CDC42BPG: variants seen among roughly 807,000 people sequenced by gnomAD.
The protein encoded by CDC42BPG is serine/threonine-protein kinase MRCK gamma.
Under a neutral mutation model 192.2 loss-of-function variants are expected in CDC42BPG, and 157 were observed. That is an observed-to-expected ratio of 0.82 (90% CI 0.72 to 0.93). The LOEUF is 0.93. Ranked by LOEUF, CDC42BPG falls within the 40% of genes least tolerant of loss-of-function variation. The pLI is 0.00. For missense variants in CDC42BPG, 1,992 were observed against 2,122.1 expected, an observed-to-expected ratio of 0.94 and a Z score of 1.20; for synonymous variants, 981 against 918.5, an observed-to-expected ratio of 1.07 and a Z score of -1.23.
rs1942478066 is a variant in CDC42BPG at position 64,827,355 on chromosome 11, C to T, written c.4194G>A (p.Arg1398=). Residue 1398 remains arginine, a synonymous_variant, in exon 33 of 37, where the codon CGG becomes CGA. Coordinates refer to ENST00000342711, the MANE Select transcript of CDC42BPG (RefSeq NM_017525.3). ...FDIPDLTDNS[R]RQLFRTKSKR... The stretch of plus-strand genomic sequence containing the variant: ...TGCTCTTGGTGCGGAACAGCTGGCG[C>T]CGGCTGTTGTCGGTGAGGTCCGGGA... 17 of 1,614,130 alleles carry T rather than the reference C, an allele frequency of 1.1e-5. No individual in the cohort carries two copies. The highest frequency in any genetic ancestry group is 1.4e-5 in the Non-Finnish European group (17 of 1,179,960).
chr11:64,835,217 G>A, intron 16 of CDC42BPG, 64 bp from the exon 17 acceptor site: 2 of 1,602,164 alleles, frequency 1.2e-6, no homozygotes, highest in Non-Finnish European at 1.7e-6. Flanking sequence ...CCGTCTCCCT[G>A]TAGGTACCCC....
intron 36 of CDC42BPG, among the ~76,000 whole-genome samples, chr11:64,825,398 G>A (rs1292785131): frequency 6.6e-6 from 1 of 152,168 alleles, no homozygotes; most frequent in East Asian, 1.9e-4. Flanking sequence ...GGAGCGGGGT[G>A]GCAAAGGTGG....
Position 64,841,922 on chromosome 11 carries a change from G to A in CDC42BPG, c.161-18C>T, listed in dbSNP as rs771544472. 17 of 1,567,098 alleles carry A rather than the reference G, an allele frequency of 1.1e-5. No homozygotes were observed. Among genetic ancestry groups the A allele is most frequent in the African/African-American group, 5.4e-5 (4 of 73,504 alleles). ...GGGGCTGGCTGAGGGGACACAGGGC[G>A]GGACTCAGAGTGCAGGGAGGGAGGG... On this transcript the variant is annotated intron_variant, in intron 1 of 36. Transcript: ENST00000342711.
chr11:64,829,804 G>A lies in CDC42BPG; in HGVS notation c.3634C>T (p.Pro1212Ser). The change falls in exon 30 of 37, where the codon CCT becomes TCT. Residue 1212 changes from proline (P) to serine (S), a missense_variant. By Grantham distance (74) the Pro-to-Ser change is moderately conservative. Transcript: ENST00000342711. Reference sequence around the variant, plus strand: ...CGGATGCGGCGCTGCCAGGGCCCAGGGCCCGGGCCCAGCTGGTAGCAGAGC... The same window carrying A: ...CGGATGCGGCGCTGCCAGGGCCCAGAGCCCGGGCCCAGCTGGTAGCAGAGC... ...QVLCYQLGPG[P>S]GPWQRRIREL... is the part of the protein sequence containing the mutation. 1 of 1,603,390 alleles carries A rather than the reference G, an allele frequency of 6.2e-7. No homozygotes were observed. The highest frequency in any genetic ancestry group is 8.5e-7 in the Non-Finnish European group (1 of 1,176,626).
chr11:64,836,714 G>GGGGGA, intron 11 of CDC42BPG, 25 bp downstream of exon 11: 2 of 866,538 alleles, frequency 2.3e-6, no homozygotes, highest in Non-Finnish European at 3.3e-6. Flanking sequence ...CCTGGGGGGG[G>GGGGGA]GGGGGGGGTG....
At chr11:64,833,420 G>A in intron 23 of CDC42BPG, 84 bp from the exon 24 acceptor site, 4 of 987,414 alleles carry the variant, frequency 4.1e-6, no homozygotes, top group Non-Finnish European at 4.4e-6. Context: ...AAGGGGCTGA[G>A]CCAGGCAACA....
rs781154765 is a variant in CDC42BPG at position 64,834,553 on chromosome 11, G to A, written c.2200C>T (p.Leu734=). 4 of 1,579,944 alleles carry A rather than the reference G, an allele frequency of 2.5e-6. No homozygotes were observed. The highest frequency in any genetic ancestry group is 3.4e-6 in the Non-Finnish European group (4 of 1,159,502). ...CTGGCCGAGGCCTCCATCTTCTGCAGTCGCCGCGCCTTCCACTGGTGGTCC... is the reference window on the plus strand; with the variant it reads ...CTGGCCGAGGCCTCCATCTTCTGCAATCGCCGCGCCTTCCACTGGTGGTCC... The part of the protein sequence containing the change: ...PLDHQWKARR[L]QKMEASARLE... Residue 734 remains leucine, a synonymous_variant, in exon 19 of 37, where the codon CTG becomes TTG. Transcript: ENST00000342711.
At position 64,839,132 on chromosome 11, in the gene CDC42BPG, C is replaced by T. The variant is rs961236089; in HGVS notation, c.777G>A (p.Trp259Ter). The T allele has an allele frequency of 1.9e-6, 3 of 1,613,536 alleles. No individual in the cohort carries two copies. The highest frequency in any genetic ancestry group is 2.5e-6 in the Non-Finnish European group (3 of 1,180,036). Residue 259 changes from tryptophan (W) to a stop codon, truncating the protein, a stop_gained, in exon 7 of 37, where the codon TGG becomes TGA. Transcript: ENST00000342711. LOFTEE classifies it high-confidence loss of function. ...GKGHYGPQCD[W>*]WSLGVCAYEL... ...CATAGGCGCAGACTCCAAGCGACCACCAGTCACACTGTGGGCCGTAGTGGC... is the reference window on the plus strand; with the variant it reads ...CATAGGCGCAGACTCCAAGCGACCATCAGTCACACTGTGGGCCGTAGTGGC...
At chr11:64,837,610 C>T (rs11607234) in intron 9 of CDC42BPG, among the ~76,000 whole-genome samples, 77,837 of 152,102 alleles carry the variant, frequency 0.51, 21,684 homozygotes, top group Non-Finnish European at 0.65. Context: ...TACAGGCGCC[C>T]GCCACCACGC....
chr11:64,834,100 A>G, intron 20 of CDC42BPG, 123 bp from the exon 21 acceptor site: 1 of 1,458,804 alleles, frequency 6.9e-7, no homozygotes, highest in Non-Finnish European at 9.6e-7. Flanking sequence ...AGGGCTGGGC[A>G]CAGCAGGCAC....
intron 29 of CDC42BPG, 47 bp from the exon 30 acceptor site, chr11:64,830,117 G>C (rs1483949365): frequency 6.2e-7 from 1 of 1,611,544 alleles, no homozygotes; most frequent in Non-Finnish European, 8.5e-7. Flanking sequence ...TGGTTGAAGA[G>C]TGACCCATCC....
chr11:64,841,488 G>T (rs1221523006), intron 3 of CDC42BPG, among the ~76,000 whole-genome samples, 162 bp downstream of exon 3: 3 of 152,034 alleles, frequency 2.0e-5, no homozygotes, highest in South Asian at 2.1e-4. Flanking sequence ...TAAATAAAGG[G>T]TTTATTGTGA....
At chr11:64,827,814 T>C in intron 30 of CDC42BPG, 31 bp from the exon 31 acceptor site, 1 of 1,560,350 alleles carries the variant, frequency 6.4e-7, no homozygotes, top group Non-Finnish European at 8.7e-7. Context: ...TCTGAGCTGT[T>C]TCCCCCTCTG....
chr11:64,829,339 G>T, intron 30 of CDC42BPG, 132 bp downstream of exon 30: 2 of 1,161,866 alleles, frequency 1.7e-6, no homozygotes, highest in Non-Finnish European at 2.4e-6. Context: ...GGGACAGGGT[G>T]TTGTTGGGCT....
chr11:64,827,900 A>T, intron 30 of CDC42BPG, 117 bp from the exon 31 acceptor site: 1 of 824,888 alleles, frequency 1.2e-6, no homozygotes, highest in Non-Finnish European at 1.8e-6. Context: ...TCCTCTGAAG[A>T]CTCCCTGTCG....
rs1943030331 is a variant in CDC42BPG, at chr11:64,836,731, A to AGGGGGGGGGGGGG, written c.1384+7_1384+8insCCCCCCCCCCCCC. 1.3e-6 allele frequency: 1 copy of AGGGGGGGGGGGGG among 797,908 alleles called. No individual in the cohort carries two copies. The highest frequency in any genetic ancestry group is 1.8e-6 in the Non-Finnish European group (1 of 544,902). 49.4% of individuals were successfully genotyped at this position (797,908 alleles called of 1,614,324 possible). A position where few individuals can be genotyped will look rare whatever the true frequency, so the allele number is the denominator to read the frequency against. On this transcript the variant is annotated splice_region_variant and intron_variant, in intron 11 of 36. Transcript: ENST00000342711. ...TGGGGGGGGGGGGGGGGTGGGCGGA[A>AGGGGGGGGGGGGG]GGGATACCTGGCAGCCTGTCCCGCA...
Position 64,833,955 on chromosome 11 carries a change from C to G in CDC42BPG, c.2436G>C (p.Leu812=). The G allele has an allele frequency of 6.2e-7, 1 of 1,614,218 alleles. No homozygotes were observed. The highest frequency in any genetic ancestry group is 1.1e-5 in the South Asian group (1 of 91,086). The change falls in exon 21 of 37, where the codon CTG becomes CTC. Residue 812 remains leucine (L), a synonymous_variant. Coordinates refer to ENST00000342711, the MANE Select transcript of CDC42BPG (RefSeq NM_017525.3). ...GPVDTKPSNS[L]IPFLSFRSSE... is the part of the protein sequence containing the mutation. ...AGCTCCGGAAGGACAGGAAGGGAAT[C>G]AGGGAGTTTGAGGGCTTGGTGTCTG... is the stretch of plus-strand genomic sequence containing the variant.
chr11:64,832,691 A>G lies in CDC42BPG; in HGVS notation c.2918T>C (p.Leu973Pro). 1 of 1,613,110 alleles carries G rather than the reference A, an allele frequency of 6.2e-7. No homozygotes were observed. The highest frequency in any genetic ancestry group is 1.1e-5 in the South Asian group (1 of 91,010). ...RRGWQRVFAA[L>P]SDSRLLLFDA... ...AAACAGCAGCAGGCGTGAGTCACTC[A>G]GGGCAGCAAACACGCGCTGCCAGCC... Residue 973 changes from leucine to proline, a missense_variant, in exon 26 of 37, where the codon CTG (leucine) becomes CCG (proline). Coordinates refer to ENST00000342711, the MANE Select transcript of CDC42BPG (RefSeq NM_017525.3).
At chr11:64,835,187 C>A (rs769203205) in intron 16 of CDC42BPG, 34 bp from the exon 17 acceptor site, 13 of 1,602,010 alleles carry the variant, frequency 8.1e-6, no homozygotes, top group Admixed American at 1.7e-5. Flanking sequence ...CAGCCCCAGG[C>A]CCCAGCAGTC....
Sources: gnomAD v4.1 joint callset for allele counts (sites outside exome capture counted in the v4.1 genomes callset) on GRCh38, gnomAD v4.1.1 for gene constraint, MANE v1.5 for transcripts, NCBI Gene and HGNC (gene_info 2026-07-23, HGNC 2026-07-21) for gene names.